Variants in PMFBP1 observed in about 807,000 individuals in gnomAD.
PMFBP1 encodes polyamine-modulated factor 1-binding protein 1.
PMFBP1 carries 131 observed loss-of-function variants against 137.8 expected under a neutral mutation model. The ratio of observed to expected loss-of-function variants is 0.95; its 90% CI spans 0.82 to 1.10. PMFBP1 has a LOEUF of 1.10. PMFBP1 is among the 50% of genes least tolerant of loss of function. PMFBP1 has a pLI of 0.00. For synonymous variants in PMFBP1, 490 were observed against 450.4 expected, an observed-to-expected ratio of 1.09 and a Z score of -1.11; for missense variants, 1,199 against 1,175.4, an observed-to-expected ratio of 1.02 and a Z score of -0.29.
the PMFBP1 span, among the ~76,000 whole-genome samples, chr16:72,193,075 G>C: frequency 1.3e-5 from 2 of 151,976 alleles, no homozygotes; most frequent in African/African-American, 2.4e-5. Flanking sequence ...CTATATGGAG[G>C]ACCCTCTAAT....
chr16:72,195,164 C>A, the PMFBP1 span, among the ~76,000 whole-genome samples: 1 of 152,186 alleles, frequency 6.6e-6, no homozygotes, highest in East Asian at 1.9e-4. Flanking sequence ...CGGCCAATGA[C>A]TGGGTGCAGC....
At chr16:72,188,206 CAA>C in the PMFBP1 span, among the ~76,000 whole-genome samples, 1 of 152,160 alleles carries the variant, frequency 6.6e-6, no homozygotes, top group African/African-American at 2.4e-5. Context: ...TTGAAAGGAG[CAA>C]AAGAGGTGAG....
At chr16:72,118,139 A>T (rs2042326833), downstream of PMFBP1, among the ~76,000 whole-genome samples, 1 of 152,256 alleles carries the variant, frequency 6.6e-6, no homozygotes, top group South Asian at 2.1e-4. Flanking sequence ...ATCCCTTTTT[A>T]GTAGACTAGG....
chr16:72,198,431 C>T, the PMFBP1 span, among the ~76,000 whole-genome samples: 2 of 152,176 alleles, frequency 1.3e-5, no homozygotes, highest in African/African-American at 2.4e-5. Flanking sequence ...GCTACTCACC[C>T]GCTTTACAGT....
intron 3 of PMFBP1, among the ~76,000 whole-genome samples, chr16:72,163,933 G>GA (rs1170844218): frequency 2.6e-5 from 4 of 151,912 alleles, no homozygotes; most frequent in Admixed American, 1.3e-4. Flanking sequence ...AAGGGTGGGG[G>GA]GGGTGAGGGA....
intron 5 of PMFBP1, among the ~76,000 whole-genome samples, chr16:72,148,488 G>A (rs974217161): frequency 6.6e-6 from 1 of 152,184 alleles, no homozygotes; most frequent in Admixed American, 6.5e-5. Context: ...CCTGCACGTT[G>A]TGCACATGTA....
At chr16:72,144,356 G>A (rs905553370) in intron 5 of PMFBP1, among the ~76,000 whole-genome samples, 2 of 152,096 alleles carry the variant, frequency 1.3e-5, no homozygotes, top group Admixed American at 1.3e-4. Flanking sequence ...AGGAGGACCT[G>A]TCCTAACAGG....
intron 19 of PMFBP1, among the ~76,000 whole-genome samples, chr16:72,122,282 T>G (rs1010796165): frequency 1.9e-4 from 29 of 152,246 alleles, no homozygotes; most frequent in Admixed American, 5.9e-4. Flanking sequence ...CATGGTTGTT[T>G]TCTAAGTGTT....
At chr16:72,136,334 C>T (rs2042630565) in intron 9 of PMFBP1, 114 bp downstream of exon 9, 3 of 1,239,236 alleles carry the variant, frequency 2.4e-6, no homozygotes, top group South Asian at 2.8e-5. Context: ...TCTCACTGTG[C>T]TTGTGTTGAG....
At position 72,123,631 on chromosome 16, in the gene PMFBP1, A is replaced by C; in HGVS notation, c.2608T>G (p.Trp870Gly). 6.2e-7 allele frequency: 1 copy of C among 1,613,904 alleles called. No individual in the cohort carries two copies. Among genetic ancestry groups the C allele is most frequent in the Non-Finnish European group, 8.5e-7 (1 of 1,179,824 alleles). Reference protein sequence around the residue: ...DDKEPCCLPQWSVPKDTCRLY... With the variant: ...DDKEPCCLPQGSVPKDTCRLY... The stretch of plus-strand genomic sequence containing the variant: ...CTACAGGTGTCTTTGGGCACAGACC[A>C]CTGGGGCAGGCAGCAGGGCTTGGGT... Residue 870 changes from tryptophan to glycine, a missense_variant, in exon 18 of 21, where the codon TGG (tryptophan) becomes GGG (glycine). Physicochemically the swap from Trp to Gly is radical, Grantham distance 184. Coordinates refer to ENST00000237353, the MANE Select transcript of PMFBP1 (RefSeq NM_031293.3).
the PMFBP1 span, among the ~76,000 whole-genome samples, chr16:72,249,240 T>C: frequency 8.2e-4 from 125 of 152,250 alleles, no homozygotes; most frequent in Non-Finnish European, 1.4e-3. Flanking sequence ...TCTCTGCCTG[T>C]AAGTTGAGTA....
At chr16:72,218,036 T>C in the PMFBP1 span, among the ~76,000 whole-genome samples, 2 of 152,298 alleles carry the variant, frequency 1.3e-5, no homozygotes, top group Non-Finnish European at 2.9e-5. Flanking sequence ...TGCTTATCCA[T>C]ACAAGTGGCT....
At chr16:72,209,220 G>C in the PMFBP1 span, among the ~76,000 whole-genome samples, 1 of 152,196 alleles carries the variant, frequency 6.6e-6, no homozygotes, top group Non-Finnish European at 1.5e-5. Context: ...CAGCATGCCT[G>C]TATCTCTACT....
chr16:72,224,980 T>C, the PMFBP1 span: 3 of 152,218 alleles, frequency 2.0e-5, no homozygotes, highest in Non-Finnish European at 4.4e-5. Context: ...TTTGACACAT[T>C]TTTTGTTCTG....
the PMFBP1 span, among the ~76,000 whole-genome samples, chr16:72,203,645 A>G: frequency 6.6e-6 from 1 of 152,048 alleles, no homozygotes; most frequent in African/African-American, 2.4e-5. Context: ...TTCTAATTAT[A>G]TCACTTCCTG....
intron 5 of PMFBP1, among the ~76,000 whole-genome samples, 185 bp from the exon 6 acceptor site, chr16:72,140,767 G>A (rs2042707288): frequency 6.6e-6 from 1 of 151,944 alleles, no homozygotes; most frequent in South Asian, 2.1e-4. Context: ...AGTCCAAATG[G>A]TTCACAAGAG....
At chr16:72,123,482 G>A (rs1018517650) in intron 18 of PMFBP1, 64 bp downstream of exon 18, 46 of 1,404,722 alleles carry the variant, frequency 3.3e-5, no homozygotes, top group South Asian at 3.2e-4. Flanking sequence ...TCTTTGGCAC[G>A]CATGTGGCTC....
At chr16:72,183,098 C>CT in the PMFBP1 span, among the ~76,000 whole-genome samples, 1 of 152,198 alleles carries the variant, frequency 6.6e-6, no homozygotes, top group Middle Eastern at 3.2e-3. Flanking sequence ...AAGACCTACC[C>CT]TTACTATACC....
intron 14 of PMFBP1, chr16:72,128,314 G>T: frequency 1.7e-6 from 2 of 1,178,560 alleles, no homozygotes; most frequent in Non-Finnish European, 2.2e-6. Context: ...TCCTTTTTGT[G>T]CTTTGTGACA....
Sources: allele counts gnomAD v4.1 joint callset (sites outside exome capture counted in the v4.1 genomes callset), GRCh38; gene constraint gnomAD v4.1.1; transcripts MANE v1.5; gene names NCBI Gene and HGNC (gene_info 2026-07-23, HGNC 2026-07-21).